THAP2: variants seen among roughly 807,000 people sequenced by gnomAD.
THAP2 encodes THAP domain-containing protein 2.
THAP2 carries 16 observed loss-of-function variants against 18.8 expected under a neutral mutation model. The observed-to-expected ratio is 0.85, with a 90% CI of 0.58 to 1.29. THAP2 has a LOEUF of 1.29. Ranked by LOEUF, THAP2 falls within the 50% of genes most tolerant of loss-of-function variation. The pLI is 0.00. For synonymous variants in THAP2, 80 were observed against 89.2 expected (o/e 0.90, Z 0.58); for missense variants, 251 against 265.3 (o/e 0.95, Z 0.38).
At position 71,664,455 on chromosome 12, in the gene THAP2, TAGC is replaced by T; in HGVS notation, c.-51_-49del. 1 of 1,608,730 alleles carries T rather than the reference TAGC, an allele frequency of 6.2e-7. No homozygotes were observed. Among genetic ancestry groups the T allele is most frequent in the South Asian group, 1.1e-5 (1 of 90,950 alleles). On this transcript the variant is annotated 5_prime_UTR_variant, in exon 1 of 3. Transcript: ENST00000308086. ...GTCCAGCCTCTGCCAGAAGAAAGCTTAGCAGCCAGCGCCTCAGTAGAGACCTAA... is the reference window on the plus strand; with the variant it reads ...GTCCAGCCTCTGCCAGAAGAAAGCTTAGCCAGCGCCTCAGTAGAGACCTAA...
intron 1 of THAP2, among the ~76,000 whole-genome samples, chr12:71,665,919 T>C (rs17110139): frequency 0.058 from 8,846 of 152,310 alleles, 356 homozygotes; most frequent in South Asian, 0.087. Flanking sequence ...TTACAGAATA[T>C]TAATTTACCT....
chr12:71,674,528 G>A (rs1303949410), intron 2 of THAP2, 130 bp downstream of exon 2: 1 of 717,584 alleles, frequency 1.4e-6, no homozygotes, highest in Non-Finnish European at 2.1e-6. Context: ...CTCTTGTACA[G>A]TAAAGGTACA....
chr12:71,665,072 GTTAA>G (rs1881309298), intron 1 of THAP2: 5 of 672,352 alleles, frequency 7.4e-6, no homozygotes, highest in Admixed American at 2.2e-5. Context: ...ATTAAGCGAT[GTTAA>G]TTAAAGTGCA....
chr12:71,672,291 T>G (rs1455339237), intron 1 of THAP2, among the ~76,000 whole-genome samples: 1 of 152,194 alleles, frequency 6.6e-6, no homozygotes, highest in Non-Finnish European at 1.5e-5. Context: ...CAGAAGCTGT[T>G]TCTCTGTTAT....
rs532270457 is a variant in THAP2, at chr12:71,674,523, G to A, written c.267+125G>A. 3.5e-4 allele frequency: 268 copies of A among 771,258 alleles called. 2 individuals carry two copies. The African/African-American group carries it at 3.9e-3, about 11-fold the overall frequency. The allele number at this position is 771,258 out of a possible 1,614,324, so 47.8% of individuals were successfully genotyped here. A position where few individuals can be genotyped will look rare whatever the true frequency, so the allele number is the denominator to read the frequency against. On this transcript the variant is annotated intron_variant, in intron 2 of 2. Transcript: ENST00000308086. Reference sequence around the variant, plus strand: ...CAAAAAAGTTGCAGACCTTCCTCTTGTACAGTAAAGGTACAGGCTAGAATC... The same window carrying A: ...CAAAAAAGTTGCAGACCTTCCTCTTATACAGTAAAGGTACAGGCTAGAATC...
chr12:71,664,645 G>A, intron 1 of THAP2, 65 bp downstream of exon 1: 1 of 1,562,810 alleles, frequency 6.4e-7, no homozygotes, highest in Non-Finnish European at 8.8e-7. Flanking sequence ...CGCTTGTGTG[G>A]AAGGAACAGG....
intron 1 of THAP2, among the ~76,000 whole-genome samples, chr12:71,666,984 G>A (rs1243833775): frequency 9.9e-5 from 15 of 152,194 alleles, no homozygotes; most frequent in African/African-American, 2.6e-4. Context: ...CACCTGCCTC[G>A]GCCTCCCAAA....
chr12:71,667,411 T>C (rs1391124192), intron 1 of THAP2: 3 of 152,220 alleles, frequency 2.0e-5, no homozygotes, highest in South Asian at 2.1e-4. Flanking sequence ...CATCTCTGTC[T>C]AATGAGTTCC....
chr12:71,665,133 C>A (rs984786254), intron 1 of THAP2: 2 of 559,146 alleles, frequency 3.6e-6, no homozygotes, highest in African/African-American at 3.8e-5. Context: ...TAAAAAGAAC[C>A]TAGGTTTTCT....
intron 1 of THAP2, among the ~76,000 whole-genome samples, chr12:71,672,682 AG>A (rs1247792927): frequency 6.6e-6 from 1 of 151,880 alleles, no homozygotes; most frequent in Non-Finnish European, 1.5e-5. Context: ...TTGAAATGGC[AG>A]GCAACAACAG....
At chr12:71,665,095 C>A in intron 1 of THAP2, 4 of 642,944 alleles carry the variant, frequency 6.2e-6, no homozygotes, top group Non-Finnish European at 8.3e-6. Context: ...CAAAAGATAA[C>A]CTTTCTGTTC....
rs565636364 is a variant in THAP2 at position 71,670,800 on chromosome 12, G to A, written c.72-3403G>A. Among the ~76,000 whole-genome samples the A allele has an allele frequency of 1.5e-3, 230 of 151,726 alleles. 2 individuals are homozygous for A. Among genetic ancestry groups the A allele is most frequent in the African/African-American group, 5.1e-3 (212 of 41,350 alleles). On this transcript the variant is annotated intron_variant, in intron 1 of 2. Transcript: ENST00000308086. Reference sequence around the variant, plus strand: ...TTAAAAATACAAAAATTAAGCGTGCGTGGTGGCAGGCGCCTGTAATCCCAG... The same window carrying A: ...TTAAAAATACAAAAATTAAGCGTGCATGGTGGCAGGCGCCTGTAATCCCAG...
rs1243672238 is a variant in THAP2, at chr12:71,680,158, T to C, written c.*3050T>C. 2 of 152,224 alleles carry C rather than the reference T, an allele frequency of 1.3e-5. No individual in the cohort carries two copies. The highest frequency in any genetic ancestry group is 2.9e-5 in the Non-Finnish European group (2 of 68,028). The allele number at this position is 152,224 out of a possible 1,614,324, so 9.4% of individuals were successfully genotyped here. A position where few individuals can be genotyped will look rare whatever the true frequency, so the allele number is the denominator to read the frequency against. ...GGTGGTATTATCTCTGATTTACACA[T>C]GAAGACATCCTTGTTAATGCAATTT... On this transcript the variant is annotated 3_prime_UTR_variant, in exon 3 of 3. Transcript: ENST00000308086.
Position 71,664,403 on chromosome 12 carries a change from C to A in THAP2, c.-107C>A. ...CACTCCGCTCTCACGACTAAGCTCT[C>A]ACGATTAAGGCACGCCTGCCTCGAT... is the stretch of plus-strand genomic sequence containing the variant. On this transcript the variant is annotated 5_prime_UTR_variant, in exon 1 of 3. Transcript: ENST00000308086. 1 of 1,415,370 alleles carries A rather than the reference C, an allele frequency of 7.1e-7. No homozygotes were observed. Among genetic ancestry groups the A allele is most frequent in the Non-Finnish European group, 1.0e-6 (1 of 1,003,768 alleles). 87.7% of individuals were successfully genotyped at this position (1,415,370 alleles called of 1,614,324 possible). A position where few individuals can be genotyped will look rare whatever the true frequency, so the allele number is the denominator to read the frequency against.
rs1213828787 is a variant in THAP2 at position 71,664,322 on chromosome 12, G to A, written c.-188G>A. ...CTCTAGTCGGCCATATTAATAAAGA[G>A]AAAGGGAAGGCTGACCGTCCTTCGC... On this transcript the variant is annotated 5_prime_UTR_variant, in exon 1 of 3. Transcript: ENST00000308086. 4 of 625,016 alleles carry A rather than the reference G, an allele frequency of 6.4e-6. No individual in the cohort carries two copies. The highest frequency in any genetic ancestry group is 2.9e-5 in the Admixed American group (1 of 34,656). The allele number at this position is 625,016 out of a possible 1,614,324, so 38.7% of individuals were successfully genotyped here.
chr12:71,671,996 G>A (rs980172822), intron 1 of THAP2, among the ~76,000 whole-genome samples: 11 of 152,150 alleles, frequency 7.2e-5, no homozygotes, highest in Non-Finnish European at 1.5e-4. Context: ...ACAACAAAAA[G>A]ACTGGCAGCT....
At chr12:71,668,179 C>T (rs1408801842) in intron 1 of THAP2, among the ~76,000 whole-genome samples, 1 of 152,078 alleles carries the variant, frequency 6.6e-6, no homozygotes, top group African/African-American at 2.4e-5. Context: ...TCTCTGTCCC[C>T]AAGATATTCT....
In THAP2 at chr12:71,679,812, C is replaced by T. The variant is rs1881573608; in HGVS notation, c.*2704C>T. On this transcript the variant is annotated 3_prime_UTR_variant, in exon 3 of 3. Transcript: ENST00000308086. ...TTTTGTCTTGAAACAAAACAGATTC[C>T]TCCTTATATTGACTTAGCAAAGGAG... The T allele has an allele frequency of 2.0e-5, 3 of 152,102 alleles. No individual in the cohort carries two copies. The highest frequency in any genetic ancestry group is 7.2e-5 in the African/African-American group (3 of 41,428). The allele number at this position is 152,102 out of a possible 1,614,324, so 9.4% of individuals were successfully genotyped here.
intron 1 of THAP2, among the ~76,000 whole-genome samples, chr12:71,670,431 A>G (rs1175481905): frequency 6.6e-6 from 1 of 152,176 alleles, no homozygotes; most frequent in Admixed American, 6.5e-5. Context: ...CTGGATGCAT[A>G]TCAGTGTACA....
Sources: allele counts gnomAD v4.1 joint callset (sites outside exome capture counted in the v4.1 genomes callset), GRCh38; gene constraint gnomAD v4.1.1; transcripts MANE v1.5; gene names NCBI Gene and HGNC (gene_info 2026-07-23, HGNC 2026-07-21).